Variants in CLYBL observed in about 807,000 individuals in gnomAD.
CLYBL encodes citramalyl-CoA lyase, mitochondrial.
Under a neutral mutation model 38.9 loss-of-function variants are expected in CLYBL, and 31 were observed. The observed-to-expected ratio is 0.80, with a 90% confidence interval of 0.60 to 1.08. The LOEUF is 1.08. CLYBL is among the 50% of genes least tolerant of loss of function. The pLI is 0.00. For missense variants in CLYBL, 434 were observed against 411.6 expected, an observed-to-expected ratio of 1.05 and a Z score of -0.47; for synonymous variants, 171 against 158.6, an observed-to-expected ratio of 1.08 and a Z score of -0.59.
chr13:99,862,703 G>A (rs917099733), intron 3 of CLYBL, among the ~76,000 whole-genome samples: 3 of 152,128 alleles, frequency 2.0e-5, no homozygotes, highest in Non-Finnish European at 4.4e-5. Context: ...CGTTTTCAGG[G>A]AAAGCGTTTA....
chr13:99,744,715 T>TG (rs1214037117), intron 1 of CLYBL, among the ~76,000 whole-genome samples: 1 of 152,138 alleles, frequency 6.6e-6, no homozygotes. Context: ...GTGAGAGAGA[T>TG]GGGAGGTACC....
intron 1 of CLYBL, among the ~76,000 whole-genome samples, chr13:99,640,756 T>G (rs573972634): frequency 6.6e-6 from 1 of 152,358 alleles, no homozygotes; most frequent in Admixed American, 6.5e-5. Flanking sequence ...ATCTGATAAC[T>G]TCATGGGCAG....
intron 1 of CLYBL, among the ~76,000 whole-genome samples, chr13:99,700,542 G>C (rs2048049552): frequency 6.6e-6 from 1 of 152,226 alleles, no homozygotes; most frequent in Non-Finnish European, 1.5e-5. Context: ...AAGGAGGCAA[G>C]TTCCGTCCTG....
At chr13:99,659,480 C>T (rs1594105897) in intron 1 of CLYBL, among the ~76,000 whole-genome samples, 1 of 152,222 alleles carries the variant, frequency 6.6e-6, no homozygotes, top group East Asian at 1.9e-4. Flanking sequence ...TGGGGAAGTG[C>T]CTTCAGTTTC....
At chr13:99,746,652 C>T (rs1008658942) in intron 1 of CLYBL, among the ~76,000 whole-genome samples, 2 of 152,250 alleles carry the variant, frequency 1.3e-5, no homozygotes. Context: ...TTCCAGGATC[C>T]AAAATTATTA....
intron 1 of CLYBL, among the ~76,000 whole-genome samples, chr13:99,755,555 A>G (rs1046913749): frequency 1.1e-4 from 16 of 152,122 alleles, no homozygotes; most frequent in Admixed American, 3.9e-4. Context: ...CTGGACTCTG[A>G]CAGCTCCCTT....
At chr13:99,794,538 T>C (rs533372894) in intron 2 of CLYBL, among the ~76,000 whole-genome samples, 2 of 150,790 alleles carry the variant, frequency 1.3e-5, no homozygotes, top group Non-Finnish European at 3.0e-5. Flanking sequence ...TTTAAAAATT[T>C]CATTTGCCAC....
intron 2 of CLYBL, among the ~76,000 whole-genome samples, chr13:99,795,116 G>A (rs973603604): frequency 6.6e-6 from 1 of 152,146 alleles, no homozygotes; most frequent in East Asian, 1.9e-4. Flanking sequence ...AGTGTGGCTC[G>A]TGAGGAGCAA....
At chr13:99,830,432 G>A (rs1290168170) in intron 2 of CLYBL, among the ~76,000 whole-genome samples, 1 of 152,198 alleles carries the variant, frequency 6.6e-6, no homozygotes, top group African/African-American at 2.4e-5. Context: ...GGTATAGAAA[G>A]TGGCACCTAG....
intron 1 of CLYBL, among the ~76,000 whole-genome samples, chr13:99,695,054 G>T (rs1393207924): frequency 6.6e-6 from 1 of 151,968 alleles, no homozygotes; most frequent in East Asian, 1.9e-4. Flanking sequence ...AGAGCGATAC[G>T]GCTTGGGTAA....
At position 99,674,238 on chromosome 13, in the gene CLYBL, G is replaced by A. The variant is rs143020463; in HGVS notation, c.62+67481G>A. On this transcript the variant is annotated intron_variant, in intron 1 of 8. Coordinates refer to ENST00000339105, the MANE Select transcript of CLYBL (RefSeq NM_206808.5). Reference sequence around the variant, plus strand: ...GTGGTCTTGGCTCACCGCAACCTCCGCCTCGCAGGTTCAAGCGATTCTCCT... The same window carrying A: ...GTGGTCTTGGCTCACCGCAACCTCCACCTCGCAGGTTCAAGCGATTCTCCT... Among the ~76,000 whole-genome samples, 1,001 of 126,910 alleles carry A rather than the reference G, an allele frequency of 7.9e-3. 13 individuals carry two copies. Among genetic ancestry groups the A allele is most frequent in the African/African-American group, 0.028 (935 of 33,162 alleles). The allele number at this position is 126,910 out of a possible 152,430, so 83.3% of individuals were successfully genotyped here.
At chr13:99,700,483 G>A (rs770701912) in intron 1 of CLYBL, among the ~76,000 whole-genome samples, 1 of 152,124 alleles carries the variant, frequency 6.6e-6, no homozygotes, top group African/African-American at 2.4e-5. Flanking sequence ...CAAGGAAGGC[G>A]CTAAATGGCT....
At chr13:99,780,800 G>C (rs1238806008) in intron 2 of CLYBL, among the ~76,000 whole-genome samples, 3 of 142,558 alleles carry the variant, frequency 2.1e-5, no homozygotes, top group Non-Finnish European at 4.5e-5. Flanking sequence ...TGCAACCTCT[G>C]CCTCCCAGGT....
At chr13:99,846,076 G>T (rs1010094672) in intron 2 of CLYBL, among the ~76,000 whole-genome samples, 2 of 151,986 alleles carry the variant, frequency 1.3e-5, no homozygotes, top group South Asian at 2.1e-4. Context: ...GCATGAGGCT[G>T]TAGTGAACTC....
intron 1 of CLYBL, among the ~76,000 whole-genome samples, chr13:99,748,502 C>G (rs2048897053): frequency 7.6e-6 from 1 of 131,112 alleles, no homozygotes; most frequent in South Asian, 2.6e-4. Flanking sequence ...TGCTGTGGCA[C>G]GATCTCGGCT....
chr13:99,764,767 C>T (rs572502157), intron 1 of CLYBL, among the ~76,000 whole-genome samples: 56 of 152,004 alleles, frequency 3.7e-4, no homozygotes, highest in African/African-American at 7.2e-4. Context: ...ACCCTGAACT[C>T]GTGGGCTGAA....
chr13:99,722,932 G>T (rs1490676326), intron 1 of CLYBL, among the ~76,000 whole-genome samples: 1 of 152,250 alleles, frequency 6.6e-6, no homozygotes, highest in Non-Finnish European at 1.5e-5. Flanking sequence ...TAAGAAAAGT[G>T]TGCCTTTGAT....
At chr13:99,884,863 A>C (rs996102928) in intron 7 of CLYBL, 15 of 418,874 alleles carry the variant, frequency 3.6e-5, no homozygotes, top group African/African-American at 1.8e-4. Flanking sequence ...TTCAGCAGGG[A>C]TGTGTGACAG....
chr13:99,676,894 T>G (rs1432363913), intron 1 of CLYBL, among the ~76,000 whole-genome samples: 1 of 152,000 alleles, frequency 6.6e-6, no homozygotes, highest in Non-Finnish European at 1.5e-5. Context: ...CATGAGCCAC[T>G]GCGCTCGGCC....
Sources: allele counts gnomAD v4.1 joint callset (sites outside exome capture counted in the v4.1 genomes callset), GRCh38; gene constraint gnomAD v4.1.1; transcripts MANE v1.5; gene names NCBI Gene and HGNC (gene_info 2026-07-23, HGNC 2026-07-21).